Variants in COL22A1 observed in about 807,000 individuals in gnomAD.
COL22A1 encodes the protein collagen type XXII alpha 1 chain.
A neutral mutation model predicts 248.9 loss-of-function variants in COL22A1; 221 were observed. The ratio of observed to expected loss-of-function variants is 0.89; its 90% confidence interval spans 0.80 to 0.99. The LOEUF (loss-of-function observed/expected upper bound fraction) is 0.99, where lower values mean the gene tolerates loss of function less well. COL22A1 is among the 50% of genes least tolerant of loss of function. COL22A1 has a pLI of 0.00. For missense variants in COL22A1, 2,240 were observed against 2,179.0 expected (o/e 1.03, Z -0.56); for synonymous variants, 891 against 793.4 (o/e 1.12, Z -2.07).
At chr8:138,617,223 C>A (rs914843587) in intron 53 of COL22A1, among the ~76,000 whole-genome samples, 5 of 152,196 alleles carry the variant, frequency 3.3e-5, no homozygotes, top group African/African-American at 9.6e-5. Context: ...TGGGGCATTG[C>A]CCTACTGGTT....
At chr8:138,692,257 C>CACGTTTGTGGAGGTGTGTGTGCACGTGT (rs796325411) in intron 35 of COL22A1, among the ~76,000 whole-genome samples, 1 of 10,656 alleles carries the variant, frequency 9.4e-5, no homozygotes, top group Non-Finnish European at 2.0e-4. Flanking sequence ...CGTATGTGTG[C>CACGTTTGTGGAGGTGTGTGTGCACGTGT]GTGTGTGCAT....
chr8:138,780,409 C>T (rs186169120), intron 13 of COL22A1, among the ~76,000 whole-genome samples: 34 of 152,282 alleles, frequency 2.2e-4, no homozygotes, highest in African/African-American at 7.7e-4. Flanking sequence ...TACTTGGATG[C>T]TTGGTGGAGA....
At position 138,626,332 on chromosome 8, in the gene COL22A1, T is replaced by A; in HGVS notation, c.3664-89A>T. On this transcript the variant is annotated intron_variant, in intron 50 of 64. Transcript: ENST00000303045. ...TTCACAAGGAACTGCATTCATGGGT[T>A]GGGGGAGTGAGTGTTTGGTGAGAAA... 8 of 1,024,380 alleles carry A rather than the reference T, an allele frequency of 7.8e-6. No homozygotes were observed. The South Asian group carries it at 9.5e-5, about 12-fold the overall frequency. 63.5% of individuals were successfully genotyped at this position (1,024,380 alleles called of 1,614,324 possible). A position where few individuals can be genotyped will look rare whatever the true frequency, so the allele number is the denominator to read the frequency against.
chr8:138,642,363 G>A (rs150272648), intron 47 of COL22A1, among the ~76,000 whole-genome samples: 473 of 152,292 alleles, frequency 3.1e-3, no homozygotes, highest in African/African-American at 0.01. Flanking sequence ...GCAGGAAATA[G>A]TAACCTGCTC....
chr8:138,854,050 AG>A (rs1821830458), intron 3 of COL22A1, among the ~76,000 whole-genome samples: 1 of 152,206 alleles, frequency 6.6e-6, no homozygotes, highest in Admixed American at 6.5e-5. Context: ...GTAGCTTGGT[AG>A]AGATGGTGGC....
chr8:138,662,211 G>T, intron 42 of COL22A1, 128 bp from the exon 43 acceptor site: 1 of 720,526 alleles, frequency 1.4e-6, no homozygotes, highest in Non-Finnish European at 2.3e-6. Context: ...GATGCAACAT[G>T]TGTGCCAAAG....
At position 138,593,381 on chromosome 8, in the gene COL22A1, A is replaced by AT. The variant is rs202129160; in HGVS notation, c.4615+635_4615+636insA. Among the ~76,000 whole-genome samples, 392 of 148,648 alleles carry AT rather than the reference A, an allele frequency of 2.6e-3. 1 individual carries two copies. The highest frequency in any genetic ancestry group is 9.4e-3 in the African/African-American group (369 of 39,152). On this transcript the variant is annotated intron_variant, in intron 63 of 64. Transcript: ENST00000303045. ...CACATGTATCCCAGAACTTGAAGTA[A>AT]ATTTTTTTTTTAAAAAAAAACCTTT...
chr8:138,856,591 TGAGA>T (rs148698442), intron 3 of COL22A1, among the ~76,000 whole-genome samples: 20,514 of 105,642 alleles, frequency 0.19, 2,210 homozygotes, highest in African/African-American at 0.37. Flanking sequence ...ACAGAGGCAG[TGAGA>T]GAGAGAGAGA....
chr8:138,759,682 C>G (rs1490416302), intron 18 of COL22A1, among the ~76,000 whole-genome samples: 1 of 152,168 alleles, frequency 6.6e-6, no homozygotes, highest in Non-Finnish European at 1.5e-5. Flanking sequence ...ATCTGAGATG[C>G]AGAAATTCTT....
At chr8:138,726,024 G>A (rs1002029478) in intron 23 of COL22A1, among the ~76,000 whole-genome samples, 1 of 152,222 alleles carries the variant, frequency 6.6e-6, no homozygotes, top group Non-Finnish European at 1.5e-5. Context: ...GACAGATGTA[G>A]ATTCTTGTGC....
intron 23 of COL22A1, among the ~76,000 whole-genome samples, chr8:138,730,477 GAC>G (rs1830631162): frequency 6.6e-6 from 1 of 152,144 alleles, no homozygotes; most frequent in Non-Finnish European, 1.5e-5. Context: ...AGCCTAGTAA[GAC>G]ACATAAAACA....
chr8:138,809,827 C>T (rs887400938), intron 9 of COL22A1, among the ~76,000 whole-genome samples: 6 of 152,128 alleles, frequency 3.9e-5, no homozygotes, highest in African/African-American at 1.4e-4. Context: ...TATCCATCCA[C>T]GTATCTGTCC....
chr8:138,602,061 C>T, intron 60 of COL22A1, 54 bp downstream of exon 60: 2 of 1,596,710 alleles, frequency 1.3e-6, no homozygotes, highest in East Asian at 2.2e-5. Flanking sequence ...ATCCTGTGGC[C>T]ACTGTGCAAA....
chr8:138,758,862 C>T (rs1833232486), intron 18 of COL22A1, among the ~76,000 whole-genome samples: 1 of 152,102 alleles, frequency 6.6e-6, no homozygotes, highest in Non-Finnish European at 1.5e-5. Flanking sequence ...TATGAAGGGC[C>T]AAACCCAATC....
intron 62 of COL22A1, among the ~76,000 whole-genome samples, chr8:138,596,066 A>G (rs549718587): frequency 6.6e-6 from 1 of 152,170 alleles, no homozygotes; most frequent in Non-Finnish European, 1.5e-5. Flanking sequence ...CAATTCTTAC[A>G]ATAATTACAT....
intron 14 of COL22A1, among the ~76,000 whole-genome samples, 165 bp from the exon 15 acceptor site, chr8:138,778,571 C>T (rs989699105): frequency 1.1e-4 from 16 of 152,212 alleles, no homozygotes; most frequent in Non-Finnish European, 4.4e-5. Context: ...GACACTCCCT[C>T]GACCTCTGCT....
chr8:138,687,042 C>T (rs571929505), intron 37 of COL22A1, among the ~76,000 whole-genome samples: 4 of 152,290 alleles, frequency 2.6e-5, no homozygotes, highest in South Asian at 2.1e-4. Context: ...AGGCAACCTC[C>T]GCTTCCCAGG....
At position 138,796,867 on chromosome 8, in the gene COL22A1, T is replaced by A. The variant is rs1422074189; in HGVS notation, c.1558-10A>T. ...CAAAAGGTCCTATGCCCTAGAAAAA[T>A]GAAAGAAGGCAAAGATTCACTACAG... is the stretch of plus-strand genomic sequence containing the variant. On this transcript the variant is annotated splice_polypyrimidine_tract_variant and intron_variant, in intron 11 of 64. Coordinates refer to ENST00000303045, the MANE Select transcript of COL22A1 (RefSeq NM_152888.3). The A allele has an allele frequency of 1.3e-6, 2 of 1,581,944 alleles. No homozygotes were observed. The highest frequency in any genetic ancestry group is 1.7e-6 in the Non-Finnish European group (2 of 1,151,056).
At chr8:138,807,184 G>C (rs1242472087) in intron 10 of COL22A1, among the ~76,000 whole-genome samples, 1 of 151,866 alleles carries the variant, frequency 6.6e-6, no homozygotes, top group African/African-American at 2.4e-5. Context: ...GGAGGGGAGG[G>C]AGAGGCCCAG....
Sources: gnomAD v4.1 joint callset for allele counts (sites outside exome capture counted in the v4.1 genomes callset) on GRCh38, gnomAD v4.1.1 for gene constraint, MANE v1.5 for transcripts, NCBI Gene and HGNC (gene_info 2026-07-23, HGNC 2026-07-21) for gene names.